Variants in TRPM6 observed in about 807,000 individuals in gnomAD.
The protein encoded by TRPM6 is transient receptor potential cation channel subfamily M member 6.
TRPM6 carries 111 observed loss-of-function variants against 247.6 expected under a neutral mutation model. That is an observed-to-expected ratio of 0.45 (90% CI 0.38 to 0.52). The LOEUF is 0.52. Ranked by LOEUF, TRPM6 falls within the 20% of genes least tolerant of loss-of-function variation. The pLI, the probability that TRPM6 is intolerant of heterozygous loss-of-function variation, is 0.00. For synonymous variants in TRPM6, 892 were observed against 853.8 expected, an observed-to-expected ratio of 1.04 and a Z score of -0.78; for missense variants, 2,126 against 2,421.5, an observed-to-expected ratio of 0.88 and a Z score of 2.56.
chr9:74,813,123 TCTAC>T (rs1180207930), intron 11 of TRPM6, among the ~76,000 whole-genome samples: 1 of 152,234 alleles, frequency 6.6e-6, no homozygotes, highest in Non-Finnish European at 1.5e-5. Context: ...CCATTTAGAC[TCTAC>T]CTGGCTTCTA....
intron 4 of TRPM6, 64 bp downstream of exon 4, chr9:74,842,102 A>G: frequency 1.3e-6 from 2 of 1,577,316 alleles, no homozygotes; most frequent in Non-Finnish European, 1.7e-6. Context: ...CAAGAGCAAA[A>G]CCCCGTCTCG....
chr9:74,887,353 C>A, intron 1 of TRPM6: 1 of 1,392,440 alleles, frequency 7.2e-7, no homozygotes, highest in Non-Finnish European at 9.3e-7. Context: ...AAAGCCGCGA[C>A]CCCCGGCTAG....
At chr9:74,798,955 ATGAGGAAAATTATT>A (rs1828202306) in intron 17 of TRPM6, among the ~76,000 whole-genome samples, 1 of 152,216 alleles carries the variant, frequency 6.6e-6, no homozygotes, top group Non-Finnish European at 1.5e-5. Context: ...GGACAGAAAC[ATGAGGAAAATTATT>A]TCTCAAACTA....
chr9:74,785,925 G>A lies in TRPM6; in HGVS notation c.2868C>T (p.Phe956=), dbSNP rs1477168061. The A allele has an allele frequency of 6.2e-7, 1 of 1,614,220 alleles. No individual in the cohort carries two copies. The highest frequency in any genetic ancestry group is 1.7e-5 in the Admixed American group (1 of 60,030). Residue 956 remains phenylalanine, a synonymous_variant, in exon 21 of 39, where the codon TTC becomes TTT. Transcript: ENST00000360774. ...IIFWFSRLLD[F]FAVNQHAGPY... ...GACCTGCATGTTGATTCACAGCAAA[G>A]AAGTCCAGGAGCCGTGAGAACCAGA...
rs1309044059 is a variant in TRPM6 at position 74,856,474 on chromosome 9, T to TGTGTGC, written c.114-910_114-909insGCACAC. ...GTGTGTGTGTGTGTGTGTCTGTGTG[T>TGTGTGC]GTGTGTGTGTGTGTGAAGAAGTATT... is the stretch of plus-strand genomic sequence containing the variant. On this transcript the variant is annotated intron_variant, in intron 2 of 38. Coordinates refer to ENST00000360774, the MANE Select transcript of TRPM6 (RefSeq NM_017662.5). Among the ~76,000 whole-genome samples, 881 of 150,996 alleles carry TGTGTGC rather than the reference T, an allele frequency of 5.8e-3. 12 individuals are homozygous for TGTGTGC. The highest frequency in any genetic ancestry group is 0.021 in the African/African-American group (854 of 41,164).
chr9:74,723,318 G>GT lies in TRPM6; in HGVS notation c.*1294dup, dbSNP rs1563983296. ...TGAAACATGTTTTCAGTCTGAAACC[G>GT]TATCTTTCTTCATAGGACCTGACAT... On this transcript the variant is annotated 3_prime_UTR_variant, in exon 39 of 39. Transcript: ENST00000360774. The GT allele has an allele frequency of 6.6e-6, 1 of 152,032 alleles. No individual in the cohort carries two copies. Among genetic ancestry groups the GT allele is most frequent in the Non-Finnish European group, 1.5e-5 (1 of 68,006 alleles). 9.4% of individuals were successfully genotyped at this position (152,032 alleles called of 1,614,324 possible). A position where few individuals can be genotyped will look rare whatever the true frequency, so the allele number is the denominator to read the frequency against.
In TRPM6 at chr9:74,776,235, C is replaced by T. The variant is rs1045617590; in HGVS notation, c.3210-159G>A. ...TGTTTACAATTCTTCTTCCACCAAA[C>T]AAAATATATTAGCTACCTTCTACAA... is the stretch of plus-strand genomic sequence containing the variant. On this transcript the variant is annotated intron_variant, in intron 23 of 38. Coordinates refer to ENST00000360774, the MANE Select transcript of TRPM6 (RefSeq NM_017662.5). 3 of 683,618 alleles carry T rather than the reference C, an allele frequency of 4.4e-6. No homozygotes were observed. The African/African-American group carries it at 5.3e-5, about 12-fold the overall frequency. 42.3% of individuals were successfully genotyped at this position (683,618 alleles called of 1,614,324 possible). A position where few individuals can be genotyped will look rare whatever the true frequency, so the allele number is the denominator to read the frequency against.
chr9:74,763,467 T>G (rs997356450), intron 25 of TRPM6, among the ~76,000 whole-genome samples: 1 of 152,216 alleles, frequency 6.6e-6, no homozygotes, highest in Non-Finnish European at 1.5e-5. Flanking sequence ...TTTTACTCAT[T>G]AATATATTTA....
chr9:74,850,103 G>A (rs560654146), intron 3 of TRPM6, among the ~76,000 whole-genome samples: 1 of 152,378 alleles, frequency 6.6e-6, no homozygotes, highest in South Asian at 2.1e-4. Context: ...TGGGCGCAGT[G>A]GCTCACGCCT....
At chr9:74,765,467 CTT>C (rs1427209405) in intron 25 of TRPM6, among the ~76,000 whole-genome samples, 1 of 151,362 alleles carries the variant, frequency 6.6e-6, no homozygotes, top group East Asian at 1.9e-4. Flanking sequence ...ATTGTTTTTT[CTT>C]TCTTTTCTTC....
intron 6 of TRPM6, among the ~76,000 whole-genome samples, chr9:74,828,164 T>C (rs1311492721): frequency 1.3e-5 from 2 of 152,002 alleles, no homozygotes; most frequent in African/African-American, 4.8e-5. Context: ...CCAGCCTTAC[T>C]AACACGGTGA....
rs551022217 is a variant in TRPM6 at position 74,849,577 on chromosome 9, C to G, written c.152+5950G>C. On this transcript the variant is annotated intron_variant, in intron 3 of 38. Transcript: ENST00000360774. ...GGTCTTGGATTTCTGACCTCCAGAA[C>G]TGTGAAAAGTTCATTTCTGTTGTTT... Among the ~76,000 whole-genome samples the G allele has an allele frequency of 1.1e-4, 17 of 152,226 alleles. No homozygotes were observed. The East Asian group carries it at 3.1e-3, about 28-fold the overall frequency.
At position 74,842,064 on chromosome 9, in the gene TRPM6, T is replaced by C; in HGVS notation, c.330+102A>G. 9 of 1,305,732 alleles carry C rather than the reference T, an allele frequency of 6.9e-6. No individual in the cohort carries two copies. The South Asian group carries it at 1.1e-4, about 16-fold the overall frequency. 80.9% of individuals were successfully genotyped at this position (1,305,732 alleles called of 1,614,324 possible). A position where few individuals can be genotyped will look rare whatever the true frequency, so the allele number is the denominator to read the frequency against. ...AGGCAGAGGTTGCAGTGCGCCGAGATCGTGCCATTGCACTCCAGCCTGGGC... is the reference window on the plus strand; with the variant it reads ...AGGCAGAGGTTGCAGTGCGCCGAGACCGTGCCATTGCACTCCAGCCTGGGC... On this transcript the variant is annotated intron_variant, in intron 4 of 38. Coordinates refer to ENST00000360774, the MANE Select transcript of TRPM6 (RefSeq NM_017662.5).
chr9:74,834,284 A>G (rs1387939430), intron 5 of TRPM6, among the ~76,000 whole-genome samples, 162 bp from the exon 6 acceptor site: 3 of 152,210 alleles, frequency 2.0e-5, no homozygotes, highest in Non-Finnish European at 4.4e-5. Flanking sequence ...GGCTTCCTCT[A>G]TTCTTTCTAG....
intron 27 of TRPM6, among the ~76,000 whole-genome samples, chr9:74,758,649 A>G (rs1023520246): frequency 1.3e-5 from 2 of 152,212 alleles, no homozygotes; most frequent in African/African-American, 4.8e-5. Flanking sequence ...GATAAGGGGC[A>G]TCTATAGAAA....
At chr9:74,876,974 A>T (rs955621956) in intron 1 of TRPM6, among the ~76,000 whole-genome samples, 4 of 152,228 alleles carry the variant, frequency 2.6e-5, no homozygotes, top group Non-Finnish European at 5.9e-5. Flanking sequence ...AATGTCGAAT[A>T]AACCCATGAA....
intron 30 of TRPM6, among the ~76,000 whole-genome samples, chr9:74,748,936 C>T (rs979607746): frequency 1.3e-5 from 2 of 152,188 alleles, no homozygotes; most frequent in Admixed American, 1.3e-4. Context: ...GCTTCCAGTC[C>T]TGCAAGCTCC....
Position 74,798,047 on chromosome 9 carries a change from C to A in TRPM6, c.2239-1154G>T, listed in dbSNP as rs369856481. On this transcript the variant is annotated intron_variant, in intron 17 of 38. Transcript: ENST00000360774. ...ATTCATTAATTACTAACAGTCTTTT[C>A]AAAAAAAATTTTTAAGTTCAACTTG... 3.1e-4 allele frequency among the ~76,000 whole-genome samples: 47 copies of A among 151,860 alleles called. 2 individuals are homozygous for A. Among genetic ancestry groups the A allele is most frequent in the South Asian group, 8.3e-4 (4 of 4,804 alleles).
chr9:74,878,760 C>A (rs139835344), intron 1 of TRPM6, among the ~76,000 whole-genome samples: 28 of 152,284 alleles, frequency 1.8e-4, no homozygotes, highest in African/African-American at 6.7e-4. Flanking sequence ...CATAATAATT[C>A]TCCAGCAATA....
Sources: allele counts gnomAD v4.1 joint callset (sites outside exome capture counted in the v4.1 genomes callset), GRCh38; gene constraint gnomAD v4.1.1; transcripts MANE v1.5; gene names NCBI Gene and HGNC (gene_info 2026-07-23, HGNC 2026-07-21).